Variants in PTRH1 observed in about 807,000 individuals in gnomAD.
The protein encoded by PTRH1 is peptidyl-tRNA hydrolase 1 homolog, also known as peptidyl-tRNA hydrolase.
In PTRH1, 13 loss-of-function variants were observed where a neutral mutation model predicts 15.7. That is an observed-to-expected ratio of 0.83 (90% CI 0.54 to 1.31). PTRH1 has a LOEUF of 1.31. Among genes scored for constraint, PTRH1 ranks in the 40% most tolerant of loss-of-function variants. PTRH1 has a pLI of 0.00. For missense variants in PTRH1, 319 were observed against 296.2 expected (o/e 1.08, Z -0.56); for synonymous variants, 139 against 136.7 (o/e 1.02, Z -0.12).
intron 1 of PTRH1, among the ~76,000 whole-genome samples, chr9:127,697,422 G>T (rs1181600784): frequency 2.0e-5 from 3 of 152,218 alleles, no homozygotes; most frequent in African/African-American, 7.2e-5. Flanking sequence ...CACTTTGGGA[G>T]GCCGAGGTGG....
upstream of PTRH1, chr9:127,715,664 G>A: frequency 6.2e-7 from 1 of 1,604,102 alleles, no homozygotes; most frequent in South Asian, 1.1e-5. The surrounding 1 kb of genome is among the most constrained non-coding windows in gnomAD (Gnocchi z 5.8). Context: ...CTCCGACACC[G>A]CCCCCTGACG....
intron 2 of PTRH1, among the ~76,000 whole-genome samples, chr9:127,694,658 G>A (rs1842540425): frequency 6.6e-6 from 1 of 152,092 alleles, no homozygotes; most frequent in Non-Finnish European, 1.5e-5. Context: ...TCCGAGGTGG[G>A]TGCACAGGCC....
In PTRH1 at chr9:127,700,272, T is replaced by C. The variant is rs115518235; in HGVS notation, c.206-5131A>G. 5.6e-3 allele frequency among the ~76,000 whole-genome samples: 847 copies of C among 152,278 alleles called. 10 individuals carry two copies. The highest frequency in any genetic ancestry group is 0.018 in the African/African-American group (766 of 41,546). On this transcript the variant is annotated intron_variant, in intron 1 of 2. Coordinates refer to the PTRH1 transcript ENST00000335223. ...CTTCATCAAATCTGAGTTGTTTTTC[T>C]TGCTTTAGGCCCTGTGCTGTCTTTC... is the stretch of plus-strand genomic sequence containing the variant.
At chr9:127,700,550 G>T (rs559946794) in intron 1 of PTRH1, among the ~76,000 whole-genome samples, 1 of 152,092 alleles carries the variant, frequency 6.6e-6, no homozygotes, top group African/African-American at 2.4e-5. Flanking sequence ...AAGCCTCTCC[G>T]TTTTACAGTT....
downstream of PTRH1, chr9:127,712,470 G>A (rs1307760879): frequency 2.7e-6 from 4 of 1,468,792 alleles, no homozygotes; most frequent in Non-Finnish European, 3.7e-6. Flanking sequence ...AGAGACTCCT[G>A]GAAAGTCTGT....
chr9:127,711,186 G>A (rs1196453040), downstream of PTRH1: 19 of 1,596,768 alleles, frequency 1.2e-5, no homozygotes, highest in Admixed American at 1.7e-5. Context: ...CAGGGCTTGT[G>A]CCCGCTCTGT....
intron 1 of PTRH1, among the ~76,000 whole-genome samples, chr9:127,704,893 C>A (rs987060863): frequency 2.0e-5 from 3 of 151,864 alleles, no homozygotes; most frequent in African/African-American, 7.3e-5. Context: ...GAACTACAGG[C>A]GGATGCCACC....
intron 1 of PTRH1, among the ~76,000 whole-genome samples, chr9:127,698,631 T>G (rs1478243443): frequency 1.3e-5 from 2 of 152,074 alleles, no homozygotes; most frequent in African/African-American, 4.8e-5. Flanking sequence ...GAGCCATGAT[T>G]GCACCACAGC....
At chr9:127,712,847 T>TCA, downstream of PTRH1, 1 of 1,612,728 alleles carries the variant, frequency 6.2e-7, no homozygotes, top group South Asian at 1.1e-5. Flanking sequence ...CCACCAGGAG[T>TCA]CACAGTCCCA....
chr9:127,711,272 G>A, downstream of PTRH1: 1 of 1,614,190 alleles, frequency 6.2e-7, no homozygotes, highest in Non-Finnish European at 8.5e-7. Context: ...CGTGGCCAAT[G>A]AGTTCCACAA....
chr9:127,714,217 C>T lies in PTRH1; in HGVS notation c.528G>A (p.Val176=), dbSNP rs752199939. ...PAHPEAVQAH[V]LGCFSPAEQE... ...GCTCAGCAGGGGAGAAGCAGCCCAGCACATGGGCCTGAACCGCCTCAGGGT... is the reference window on the plus strand; with the variant it reads ...GCTCAGCAGGGGAGAAGCAGCCCAGTACATGGGCCTGAACCGCCTCAGGGT... The change falls in exon 5 of 5, where the codon GTG becomes GTA. Residue 176 remains valine (V), a synonymous_variant. Coordinates refer to ENST00000543175, the MANE Select transcript of PTRH1 (RefSeq NM_001002913.3). The T allele has an allele frequency of 6.2e-7, 1 of 1,613,962 alleles. No homozygotes were observed. Among genetic ancestry groups the T allele is most frequent in the Non-Finnish European group, 8.5e-7 (1 of 1,180,012 alleles).
chr9:127,695,098 A>ATGG (rs1290515993), exon 2 of PTRH1: 5 of 579,398 alleles, frequency 8.6e-6, no homozygotes, highest in South Asian at 1.9e-5. Flanking sequence ...GATGATGGTG[A>ATGG]TGATGATGAT....
downstream of PTRH1, chr9:127,712,244 G>C (rs1241502287): frequency 1.2e-6 from 2 of 1,613,938 alleles, no homozygotes; most frequent in East Asian, 4.5e-5. Flanking sequence ...AGCAGCAGGT[G>C]GATTTGCAGC....
downstream of PTRH1, chr9:127,711,931 G>A (rs370486984): frequency 1.3e-5 from 21 of 1,606,330 alleles, no homozygotes; most frequent in Non-Finnish European, 1.7e-5. Flanking sequence ...GCAGCTGCAG[G>A]TGGATAACCA....
chr9:127,706,502 ACAGG>A (rs535908394), intron 1 of PTRH1, among the ~76,000 whole-genome samples: 9 of 152,292 alleles, frequency 5.9e-5, no homozygotes, highest in Middle Eastern at 3.4e-3. Context: ...GGTGGGGAAC[ACAGG>A]CAGGCACACA....
chr9:127,711,595 G>A (rs562847953), downstream of PTRH1: 4 of 1,456,516 alleles, frequency 2.7e-6, no homozygotes, highest in South Asian at 2.6e-5. Flanking sequence ...CAAGTCAGGA[G>A]GGAGGGAGGC....
downstream of PTRH1, chr9:127,711,294 A>G: frequency 1.2e-6 from 2 of 1,614,188 alleles, no homozygotes; most frequent in Non-Finnish European, 1.7e-6. Context: ...GTGACCACGA[A>G]CCGGATGTGG....
Position 127,714,193 on chromosome 9 carries a change from C to T in PTRH1, c.552G>A (p.Glu184=). Residue 184 remains glutamate, a synonymous_variant, in exon 5 of 5, where the codon GAG becomes GAA. Coordinates refer to ENST00000543175, the MANE Select transcript of PTRH1 (RefSeq NM_001002913.3). ...CCAGCAACAGAGGCAGCAGCTCCTGCTCAGCAGGGGAGAAGCAGCCCAGCA... is the reference window on the plus strand; with the variant it reads ...CCAGCAACAGAGGCAGCAGCTCCTGTTCAGCAGGGGAGAAGCAGCCCAGCA... The part of the protein sequence containing the change: ...AHVLGCFSPA[E]QELLPLLLDR... The T allele has an allele frequency of 1.2e-6, 2 of 1,613,972 alleles. No homozygotes were observed. The highest frequency in any genetic ancestry group is 1.7e-6 in the Non-Finnish European group (2 of 1,180,012).
At chr9:127,713,778 A>C, downstream of PTRH1, 1 of 1,466,108 alleles carries the variant, frequency 6.8e-7, no homozygotes. Context: ...AAGTGCTGGG[A>C]TTATAGGTGT....
Sources: gnomAD v4.1 joint callset for allele counts (sites outside exome capture counted in the v4.1 genomes callset) on GRCh38, gnomAD v4.1.1 for gene constraint, Gnocchi (gnomAD v3.1) non-coding constraint, MANE v1.5 for transcripts, NCBI Gene and HGNC (gene_info 2026-07-23, HGNC 2026-07-21) for gene names.